The following GRIA4 variants were observed in gnomAD, a reference collection of about 807,000 sequenced individuals.
GRIA4 encodes the protein glutamate ionotropic receptor AMPA type subunit 4.
In GRIA4, 34 loss-of-function variants were observed where a neutral mutation model predicts 104.0. The observed-to-expected ratio is 0.33, with a 90% confidence interval of 0.25 to 0.44. The LOEUF (loss-of-function observed/expected upper bound fraction) is 0.44. Among genes scored for constraint, GRIA4 ranks in the 20% least tolerant of loss-of-function variants. The pLI is 1.00. For missense variants in GRIA4, 750 were observed against 1,096.5 expected (o/e 0.68, Z 4.46); for synonymous variants, 386 against 381.9 (o/e 1.01, Z -0.13).
intron 3 of GRIA4, among the ~76,000 whole-genome samples, chr11:105,744,906 T>C (rs1225774665): frequency 2.0e-5 from 3 of 152,218 alleles, no homozygotes; most frequent in Non-Finnish European, 4.4e-5. Flanking sequence ...CTAGTTTTTA[T>C]TGATTCCTTC....
chr11:105,883,513 C>G (rs1946143537), intron 5 of GRIA4, among the ~76,000 whole-genome samples: 1 of 149,164 alleles, frequency 6.7e-6, no homozygotes, highest in Non-Finnish European at 1.5e-5. Context: ...ACCTATGAGT[C>G]AGAACATACA....
intron 4 of GRIA4, among the ~76,000 whole-genome samples, chr11:105,763,895 AG>A (rs1940799657): frequency 1.3e-5 from 2 of 152,212 alleles, no homozygotes; most frequent in Admixed American, 1.3e-4. Flanking sequence ...GGAGCCATTT[AG>A]CTCTTATGAA....
chr11:105,956,307 G>A (rs898102014), intron 14 of GRIA4, among the ~76,000 whole-genome samples: 1 of 152,026 alleles, frequency 6.6e-6, no homozygotes, highest in African/African-American at 2.4e-5. Context: ...CCTACACTGT[G>A]TCAAAGTGTT....
At position 105,862,214 on chromosome 11, in the gene GRIA4, T is replaced by C. The variant is rs757191343; in HGVS notation, c.672+6T>C. The C allele has an allele frequency of 6.6e-6, 10 of 1,517,330 alleles. No homozygotes were observed. In the South Asian group the frequency reaches 9.0e-5, roughly 14 times the overall value. The allele number at this position is 1,517,330 out of a possible 1,614,324, so 94.0% of individuals were successfully genotyped here. Reference sequence around the variant, plus strand: ...TTCAAAACATATTAGAACAGGTAAGTCCTAGATTTTATATTTTTAACCTAG... The same window carrying C: ...TTCAAAACATATTAGAACAGGTAAGCCCTAGATTTTATATTTTTAACCTAG... On this transcript the variant is annotated splice_donor_region_variant and intron_variant, in intron 5 of 16. Transcript: ENST00000282499.
chr11:105,673,863 T>C (rs866182156), intron 3 of GRIA4, among the ~76,000 whole-genome samples: 1 of 152,034 alleles, frequency 6.6e-6, no homozygotes, highest in African/African-American at 2.4e-5. Flanking sequence ...TTGATAAGAC[T>C]ATTTCTAAAA....
intron 13 of GRIA4, among the ~76,000 whole-genome samples, chr11:105,930,586 C>G (rs1207469141): frequency 7.2e-6 from 1 of 138,328 alleles, no homozygotes; most frequent in Non-Finnish European, 1.6e-5. Flanking sequence ...GTAAAAGATA[C>G]TTTATTCTTT....
At chr11:105,842,085 C>T (rs1944416377) in intron 4 of GRIA4, among the ~76,000 whole-genome samples, 1 of 152,110 alleles carries the variant, frequency 6.6e-6, no homozygotes, top group African/African-American at 2.4e-5. Context: ...GTGAGGGGAA[C>T]ACCTGGTTTT....
chr11:105,708,167 A>T (rs1280330388), intron 3 of GRIA4, among the ~76,000 whole-genome samples: 3 of 152,110 alleles, frequency 2.0e-5, no homozygotes, highest in Admixed American at 6.6e-5. Flanking sequence ...ACAAAAAGAC[A>T]TTTTTGCATT....
At chr11:105,845,268 C>T (rs1332427653) in intron 4 of GRIA4, among the ~76,000 whole-genome samples, 4 of 152,144 alleles carry the variant, frequency 2.6e-5, no homozygotes, top group Admixed American at 6.5e-5. Context: ...TACATGTATT[C>T]TTTGCTGTGG....
intron 3 of GRIA4, among the ~76,000 whole-genome samples, chr11:105,649,678 C>G (rs1483479899): frequency 6.6e-6 from 1 of 152,022 alleles, no homozygotes; most frequent in African/African-American, 2.4e-5. Context: ...CCTTTGTGGA[C>G]ATTATTGTAC....
At chr11:105,862,911 C>A (rs1461209998) in intron 5 of GRIA4, among the ~76,000 whole-genome samples, 1 of 152,114 alleles carries the variant, frequency 6.6e-6, no homozygotes, top group Non-Finnish European at 1.5e-5. Context: ...CTTTCCCTAC[C>A]CCTGCAGATC....
intron 4 of GRIA4, among the ~76,000 whole-genome samples, chr11:105,772,669 T>C (rs936472683): frequency 2.0e-5 from 3 of 151,950 alleles, no homozygotes; most frequent in African/African-American, 4.8e-5. Flanking sequence ...CACACACACA[T>C]ACACAAACAT....
intron 3 of GRIA4, among the ~76,000 whole-genome samples, chr11:105,653,965 T>C (rs1211575363): frequency 1.4e-5 from 1 of 71,160 alleles, no homozygotes; most frequent in African/African-American, 5.0e-5. Flanking sequence ...ATAAAGAAAA[T>C]GTAGTATGTA....
At chr11:105,703,298 T>A (rs1953570852) in intron 3 of GRIA4, among the ~76,000 whole-genome samples, 1 of 152,176 alleles carries the variant, frequency 6.6e-6, no homozygotes, top group Admixed American at 6.6e-5. Context: ...TGTGAAGACA[T>A]TATAACATAT....
chr11:105,615,029 TA>T (rs1355822962), intron 3 of GRIA4, among the ~76,000 whole-genome samples: 5 of 151,984 alleles, frequency 3.3e-5, no homozygotes, highest in Non-Finnish European at 2.9e-5. Context: ...TTTGTCATGT[TA>T]GATTAAATAT....
intron 4 of GRIA4, among the ~76,000 whole-genome samples, chr11:105,770,188 G>A (rs936483233): frequency 2.6e-5 from 4 of 152,024 alleles, no homozygotes; most frequent in African/African-American, 9.7e-5. Context: ...TTCACCTGTG[G>A]TGACACCTTG....
In GRIA4 at chr11:105,924,601, T is replaced by C. The variant is rs1947656164; in HGVS notation, c.1679T>C (p.Val560Ala). The change falls in exon 12 of 17, where the codon GTG (valine) becomes GCG (alanine). Residue 560 changes from valine to alanine, a missense_variant. By Grantham distance (64) the Val-to-Ala change is moderately conservative. Transcript: ENST00000282499. ...GTCTTTGCCTACATTGGTGTCAGCG[T>C]GGTCTTATTCCTAGTTAGTAGATTT... is the stretch of plus-strand genomic sequence containing the variant. Reference protein sequence around the residue: ...CIVFAYIGVSVVLFLVSRFSP... With the variant: ...CIVFAYIGVSAVLFLVSRFSP... 6.2e-7 allele frequency: 1 copy of C among 1,612,904 alleles called. No homozygotes were observed. Among genetic ancestry groups the C allele is most frequent in the Non-Finnish European group, 8.5e-7 (1 of 1,179,202 alleles).
At chr11:105,833,046 C>T (rs1485789873) in intron 4 of GRIA4, among the ~76,000 whole-genome samples, 1 of 151,954 alleles carries the variant, frequency 6.6e-6, no homozygotes, top group Admixed American at 6.6e-5. Context: ...CTGTTTCCTT[C>T]AAATTCCCAC....
At chr11:105,742,395 A>G (rs187806858) in intron 3 of GRIA4, among the ~76,000 whole-genome samples, 34 of 152,168 alleles carry the variant, frequency 2.2e-4, no homozygotes, top group Non-Finnish European at 4.1e-4. Context: ...GGCCAACCTT[A>G]TATCTGTCCT....
Sources: gnomAD v4.1 joint callset for allele counts (sites outside exome capture counted in the v4.1 genomes callset) on GRCh38, gnomAD v4.1.1 for gene constraint, MANE v1.5 for transcripts, NCBI Gene and HGNC (gene_info 2026-07-23, HGNC 2026-07-21) for gene names.